The following LAMA2 variants were observed in gnomAD, a reference collection of about 807,000 sequenced individuals.
LAMA2 encodes laminin subunit alpha-2.
LAMA2 carries 269 observed loss-of-function variants against 364.8 expected under a neutral mutation model. The observed-to-expected ratio is 0.74, with a 90% CI of 0.67 to 0.82. LAMA2 has a LOEUF of 0.82. LAMA2 is among the 40% of genes least tolerant of loss of function. The pLI is 0.00. For missense variants in LAMA2, 3,807 were observed against 3,873.2 expected, an observed-to-expected ratio of 0.98 and a Z score of 0.45; for synonymous variants, 1,379 against 1,370.6, an observed-to-expected ratio of 1.01 and a Z score of -0.14.
chr6:129,462,646 A>G (rs1783316369), intron 49 of LAMA2, among the ~76,000 whole-genome samples: 1 of 151,862 alleles, frequency 6.6e-6, no homozygotes, highest in Non-Finnish European at 1.5e-5. Flanking sequence ...GAGTTCTCTA[A>G]TTACACACTT....
At chr6:129,315,433 A>G (rs1435765466) in intron 24 of LAMA2, 43 bp from the exon 25 acceptor site, 1 of 1,575,290 alleles carries the variant, frequency 6.3e-7, no homozygotes, top group Non-Finnish European at 8.7e-7. Context: ...AGAAATGTCC[A>G]AAGCGTAAAT....
intron 1 of LAMA2, among the ~76,000 whole-genome samples, chr6:128,965,408 G>C (rs1319208084): frequency 6.6e-6 from 1 of 151,952 alleles, no homozygotes; most frequent in East Asian, 1.9e-4. Flanking sequence ...CACAAATTCT[G>C]TTATATTCCA....
At chr6:128,988,626 C>T (rs1348350573) in intron 1 of LAMA2, among the ~76,000 whole-genome samples, 1 of 152,132 alleles carries the variant, frequency 6.6e-6, no homozygotes, top group Non-Finnish European at 1.5e-5. Context: ...TTTCACAATT[C>T]TTAGCTTTTT....
rs1780126309 is a variant in LAMA2 at position 129,171,195 on chromosome 6, G to A, written c.1306+5520G>A. Among the ~76,000 whole-genome samples the A allele has an allele frequency of 2.6e-5, 4 of 152,018 alleles. No homozygotes were observed. In the South Asian group the frequency reaches 6.2e-4, roughly 24 times the overall value. On this transcript the variant is annotated intron_variant, in intron 9 of 64. Transcript: ENST00000421865. ...TTACATTTAAAGTTAATATTGTTAT[G>A]TGTGAATTTGATCCTGTCATGATGA...
intron 12 of LAMA2, among the ~76,000 whole-genome samples, chr6:129,244,422 C>T (rs1037288649): frequency 6.6e-6 from 1 of 152,022 alleles, no homozygotes; most frequent in African/African-American, 2.4e-5. Flanking sequence ...GAAGATGAAT[C>T]GCTTGCCCTG....
At chr6:129,230,165 A>C (rs1784593865) in intron 12 of LAMA2, among the ~76,000 whole-genome samples, 1 of 152,154 alleles carries the variant, frequency 6.6e-6, no homozygotes, top group Non-Finnish European at 1.5e-5. Flanking sequence ...TAGAAAGGAG[A>C]CTAAGAATCA....
intron 1 of LAMA2, among the ~76,000 whole-genome samples, chr6:128,925,911 T>G (rs1218909321): frequency 1.3e-5 from 2 of 152,150 alleles, no homozygotes; most frequent in African/African-American, 4.8e-5. Flanking sequence ...GCAGGGAAAC[T>G]TCCTGGGCCT....
chr6:129,314,302 G>T (rs1179927830), intron 23 of LAMA2, among the ~76,000 whole-genome samples: 1 of 151,680 alleles, frequency 6.6e-6, no homozygotes, highest in Admixed American at 6.6e-5. Context: ...GGAAGGCTGA[G>T]GCCGGAGAAT....
chr6:129,297,762 C>T lies in LAMA2; in HGVS notation c.2934C>T (p.Asp978=). 6.2e-7 allele frequency: 1 copy of T among 1,614,132 alleles called. No homozygotes were observed. The highest frequency in any genetic ancestry group is 1.1e-5 in the South Asian group (1 of 91,078). The change falls in exon 21 of 65, where the codon GAC becomes GAT. Residue 978 remains aspartate (D), a synonymous_variant. Coordinates refer to ENST00000421865, the MANE Select transcript of LAMA2 (RefSeq NM_000426.4). Reference sequence around the variant, plus strand: ...ATTCTTTTGGGTCTAAGTCATTCGACTGTGAAGAGAGTGGACAATGTTGGT... The same window carrying T: ...ATTCTTTTGGGTCTAAGTCATTCGATTGTGAAGAGAGTGGACAATGTTGGT... The part of the protein sequence containing the change: ...NCNSFGSKSF[D]CEESGQCWCQ...
Position 129,195,631 on chromosome 6 carries a change from C to T in LAMA2, c.1782+2778C>T, listed in dbSNP as rs115164837. Reference sequence around the variant, plus strand: ...TGGCAGAATCAAGTGTTAATTTTCCCGCCTCGTTCTTGATAGTCAAAGAGA... The same window carrying T: ...TGGCAGAATCAAGTGTTAATTTTCCTGCCTCGTTCTTGATAGTCAAAGAGA... On this transcript the variant is annotated intron_variant, in intron 12 of 64. Coordinates refer to ENST00000421865, the MANE Select transcript of LAMA2 (RefSeq NM_000426.4). Among the ~76,000 whole-genome samples the T allele has an allele frequency of 9.0e-3, 1,365 of 152,184 alleles. 16 individuals are homozygous for T. The highest frequency in any genetic ancestry group is 0.031 in the African/African-American group (1,280 of 41,508).
chr6:129,516,403 C>CAA lies in LAMA2; in HGVS notation c.*58_*59dup. ...GTCAAAACAAGTATATCAAGTAAAA[C>CAA]AAACAAATATATTTTACCTATATAT... On this transcript the variant is annotated 3_prime_UTR_variant, in exon 65 of 65. Transcript: ENST00000421865. 1 of 1,522,852 alleles carries CAA rather than the reference C, an allele frequency of 6.6e-7. No homozygotes were observed. The highest frequency in any genetic ancestry group is 9.0e-7 in the Non-Finnish European group (1 of 1,106,910). 94.3% of individuals were successfully genotyped at this position (1,522,852 alleles called of 1,614,324 possible).
At chr6:129,258,963 A>G (rs1325151861) in intron 14 of LAMA2, among the ~76,000 whole-genome samples, 1 of 152,072 alleles carries the variant, frequency 6.6e-6, no homozygotes, top group Non-Finnish European at 1.5e-5. Flanking sequence ...ATAGTGTTGG[A>G]TGAGTTTATT....
At chr6:129,288,095 A>G in intron 19 of LAMA2, 37 bp downstream of exon 19, 2 of 1,561,942 alleles carry the variant, frequency 1.3e-6, no homozygotes, top group South Asian at 1.1e-5. Flanking sequence ...GACAGAATTG[A>G]TGTATTGTAC....
At position 129,486,753 on chromosome 6, in the gene LAMA2, C is replaced by T. The variant is rs73599270; in HGVS notation, c.7898+131C>T. ...TATGCATTGCAAAAGGATACCGTAG[C>T]TTAATTCCCTCTTCTTTACTTTTCA... On this transcript the variant is annotated intron_variant, in intron 56 of 64. Transcript: ENST00000421865. 3.2e-3 allele frequency: 2,704 copies of T among 852,340 alleles called. 47 individuals carry two copies. In the African/African-American group the frequency reaches 0.04, roughly 13 times the overall value. The allele number at this position is 852,340 out of a possible 1,614,324, so 52.8% of individuals were successfully genotyped here.
chr6:129,202,477 C>G (rs995657487), intron 12 of LAMA2, among the ~76,000 whole-genome samples: 63 of 152,102 alleles, frequency 4.1e-4, no homozygotes, highest in African/African-American at 1.5e-3. Flanking sequence ...GAAGGGGCAG[C>G]AAGGAGGTAC....
chr6:129,408,317 C>T (rs1780349919), intron 40 of LAMA2, among the ~76,000 whole-genome samples: 1 of 152,120 alleles, frequency 6.6e-6, no homozygotes, highest in African/African-American at 2.4e-5. Context: ...GTAATTATGA[C>T]TTCAAAAGGG....
At chr6:129,065,653 C>T (rs1789247307) in intron 3 of LAMA2, among the ~76,000 whole-genome samples, 1 of 152,086 alleles carries the variant, frequency 6.6e-6, no homozygotes, top group Non-Finnish European at 1.5e-5. Context: ...ATCCCATTCA[C>T]CATAGCTAAA....
At position 129,250,207 on chromosome 6, in the gene LAMA2, C is replaced by T. The variant is rs1289289052; in HGVS notation, c.1878C>T (p.Ile626=). 6.4e-7 allele frequency: 1 copy of T among 1,557,338 alleles called. No homozygotes were observed. Among genetic ancestry groups the T allele is most frequent in the African/African-American group, 1.4e-5 (1 of 72,972 alleles). The change falls in exon 13 of 65, where the codon ATC becomes ATT. Residue 626 remains isoleucine (I), a synonymous_variant. Coordinates refer to ENST00000421865, the MANE Select transcript of LAMA2 (RefSeq NM_000426.4). ...AACGTGTTCTCCAGCTTATGATTAT[C>T]TTAGAGGTAGAGTACTGAGAGCATG... ...DTERVLQLMI[I]LEGNDLSIST...
chr6:129,303,050 T>C (rs577022026), intron 22 of LAMA2, among the ~76,000 whole-genome samples: 7 of 152,262 alleles, frequency 4.6e-5, no homozygotes, highest in Admixed American at 2.6e-4. Context: ...TTGGGAAGAA[T>C]TGACAGCTTA....
Sources: allele counts gnomAD v4.1 joint callset (sites outside exome capture counted in the v4.1 genomes callset), GRCh38; gene constraint gnomAD v4.1.1; transcripts MANE v1.5; gene names NCBI Gene and HGNC (gene_info 2026-07-23, HGNC 2026-07-21).